PRKCA: variants seen among roughly 807,000 people sequenced by gnomAD.
PRKCA encodes the protein protein kinase C alpha.
PRKCA carries 27 observed loss-of-function variants against 87.0 expected under a neutral mutation model. The observed-to-expected ratio is 0.31, with a 90% CI of 0.23 to 0.43. The LOEUF is 0.43. Ranked by LOEUF, PRKCA falls within the 20% of genes least tolerant of loss-of-function variation. The pLI is 1.00. For synonymous variants in PRKCA, 329 were observed against 311.1 expected, an observed-to-expected ratio of 1.06 and a Z score of -0.61; for missense variants, 518 against 852.3, an observed-to-expected ratio of 0.61 and a Z score of 4.88.
chr17:66,465,521 A>C (rs1355685564), intron 2 of PRKCA, among the ~76,000 whole-genome samples: 1 of 151,894 alleles, frequency 6.6e-6, no homozygotes, highest in East Asian at 1.9e-4. Context: ...TCTCCTGAGT[A>C]GCTGGGACTA....
intron 13 of PRKCA, among the ~76,000 whole-genome samples, chr17:66,768,079 G>A (rs964227749): frequency 6.6e-6 from 1 of 152,090 alleles, no homozygotes; most frequent in East Asian, 1.9e-4. Context: ...GAGTAGCTGG[G>A]ATTACAGGTG....
intron 5 of PRKCA, among the ~76,000 whole-genome samples, chr17:66,682,042 C>A (rs188618110): frequency 1.4e-4 from 21 of 152,310 alleles, no homozygotes; most frequent in Non-Finnish European, 1.5e-5. Context: ...CCGGCTAGGG[C>A]GGCCCAGTCC....
intron 5 of PRKCA, among the ~76,000 whole-genome samples, chr17:66,651,109 C>T (rs781342853): frequency 2.0e-5 from 3 of 151,946 alleles, no homozygotes; most frequent in Non-Finnish European, 4.4e-5. Flanking sequence ...GCAGTGGAGC[C>T]GGGAGGACAG....
At chr17:66,478,926 A>C (rs1915653659) in intron 2 of PRKCA, among the ~76,000 whole-genome samples, 1 of 152,218 alleles carries the variant, frequency 6.6e-6, no homozygotes, top group Admixed American at 6.5e-5. Flanking sequence ...AAAACTCTGG[A>C]AGACAACCTA....
intron 3 of PRKCA, among the ~76,000 whole-genome samples, chr17:66,627,794 G>A (rs1970897744): frequency 6.6e-6 from 1 of 152,074 alleles, no homozygotes; most frequent in African/African-American, 2.4e-5. Context: ...ACGCATGGTT[G>A]GAAATTCAGT....
intron 2 of PRKCA, among the ~76,000 whole-genome samples, chr17:66,329,120 G>T (rs1206086837): frequency 6.6e-6 from 1 of 152,176 alleles, no homozygotes; most frequent in Non-Finnish European, 1.5e-5. Context: ...GAGAGACTTG[G>T]TTCCAGAAAC....
chr17:66,742,052 A>C (rs1478322867), intron 12 of PRKCA, among the ~76,000 whole-genome samples: 1 of 152,244 alleles, frequency 6.6e-6, no homozygotes, highest in African/African-American at 2.4e-5. Context: ...TGTTCAGCAG[A>C]AGAAGAACAC....
chr17:66,661,996 C>T (rs564737603), intron 5 of PRKCA, among the ~76,000 whole-genome samples: 21 of 152,330 alleles, frequency 1.4e-4, no homozygotes, highest in Non-Finnish European at 2.6e-4. Flanking sequence ...ATTCCTACTG[C>T]GAGAATAAAC....
intron 2 of PRKCA, among the ~76,000 whole-genome samples, chr17:66,396,645 T>TTC (rs397709659): frequency 6.6e-6 from 1 of 150,862 alleles, no homozygotes; most frequent in Non-Finnish European, 1.5e-5. Flanking sequence ...TTTTTTTTTT[T>TTC]CGTGACAGAG....
rs1906994774 is a variant in PRKCA, at chr17:66,340,742, C to A, written c.205+34615C>A. Among the ~76,000 whole-genome samples the A allele has an allele frequency of 2.0e-5, 3 of 152,114 alleles. No homozygotes were observed. In the South Asian group the frequency reaches 6.2e-4, roughly 32 times the overall value. ...CTCTGGATTTGGATACTTGAGAAAT[C>A]CTTTATTTAGAAGTCATTCATATTC... is the stretch of plus-strand genomic sequence containing the variant. On this transcript the variant is annotated intron_variant, in intron 2 of 16. Transcript: ENST00000413366.
Position 66,774,059 on chromosome 17 carries a change from G to T in PRKCA, c.1597G>T (p.Ala533Ser). 1 of 1,614,068 alleles carries T rather than the reference G, an allele frequency of 6.2e-7. No homozygotes were observed. The highest frequency in any genetic ancestry group is 8.5e-7 in the Non-Finnish European group (1 of 1,180,018). The change falls in exon 14 of 17, where the codon GCC (alanine) becomes TCC (serine). Residue 533 changes from alanine (A) to serine (S), a missense_variant. Ala to Ser is a moderately conservative substitution (Grantham distance 99). Around this residue, in one of 5 missense-constraint regions of PRKCA, gnomAD observed 159 missense variants for 232.4 expected, o/e 0.68. Coordinates refer to ENST00000413366, the MANE Select transcript of PRKCA (RefSeq NM_002737.3). ...TGGCGTCCTGTTGTATGAAATGCTT[G>T]CCGGGCAGGTAATGTTTTGCTACAT... ...AYGVLLYEML[A>S]GQPPFDGEDE...
intron 2 of PRKCA, among the ~76,000 whole-genome samples, chr17:66,465,945 C>CA (rs1237366500): frequency 7.2e-5 from 11 of 151,944 alleles, no homozygotes; most frequent in African/African-American, 2.7e-4. Flanking sequence ...ATGGATAACT[C>CA]AGTTTGTATA....
At chr17:66,546,079 T>C (rs62071702) in intron 3 of PRKCA, among the ~76,000 whole-genome samples, 26,494 of 152,202 alleles carry the variant, frequency 0.17, 2,460 homozygotes, top group African/African-American at 0.25. Context: ...AGTATCAGTA[T>C]GTAGTCTGGT....
intron 3 of PRKCA, among the ~76,000 whole-genome samples, chr17:66,517,372 C>T (rs540884625): frequency 5.9e-5 from 9 of 152,252 alleles, no homozygotes; most frequent in East Asian, 5.8e-4. Context: ...CCCCTCCTCG[C>T]CCCCAATTCA....
intron 2 of PRKCA, among the ~76,000 whole-genome samples, chr17:66,347,590 G>A (rs1045582573): frequency 1.3e-5 from 2 of 152,056 alleles, no homozygotes; most frequent in African/African-American, 2.4e-5. Flanking sequence ...ATTTCATTGA[G>A]TTCTGCAGGT....
intron 15 of PRKCA, among the ~76,000 whole-genome samples, chr17:66,788,592 A>G (rs747611502): frequency 1.3e-5 from 2 of 151,932 alleles, no homozygotes; most frequent in Non-Finnish European, 2.9e-5. Context: ...CCATTTGGCC[A>G]TGGGTTCAGA....
At chr17:66,431,632 C>A (rs1326447257) in intron 2 of PRKCA, among the ~76,000 whole-genome samples, 3 of 152,184 alleles carry the variant, frequency 2.0e-5, no homozygotes, top group Non-Finnish European at 2.9e-5. Context: ...CCCCTCTGCG[C>A]TCCAGCAAAG....
intron 3 of PRKCA, among the ~76,000 whole-genome samples, chr17:66,549,864 T>G (rs1175399595): frequency 6.6e-6 from 1 of 152,190 alleles, no homozygotes; most frequent in Non-Finnish European, 1.5e-5. Flanking sequence ...GAATTCACCT[T>G]GGTCCCAAAC....
intron 3 of PRKCA, among the ~76,000 whole-genome samples, chr17:66,617,057 G>A (rs564210090): frequency 3.0e-4 from 45 of 152,234 alleles, no homozygotes; most frequent in Non-Finnish European, 5.9e-4. Context: ...ATAAAATACA[G>A]CCTCTGGAAA....
Sources: allele counts gnomAD v4.1 joint callset (sites outside exome capture counted in the v4.1 genomes callset), GRCh38; gene constraint gnomAD v4.1.1; regional missense constraint gnomAD v4.1.1; transcripts MANE v1.5; gene names NCBI Gene and HGNC (gene_info 2026-07-23, HGNC 2026-07-21).